Variants in NKAIN2 observed in about 807,000 individuals in gnomAD.
NKAIN2 encodes sodium/potassium transporting ATPase interacting 2.
A neutral mutation model predicts 32.6 loss-of-function variants in NKAIN2; 14 were observed. That is an observed-to-expected ratio of 0.43 (90% confidence interval 0.28 to 0.67). The LOEUF is 0.67. Among genes scored for constraint, NKAIN2 ranks in the 30% least tolerant of loss-of-function variants. The pLI is 0.17. For missense variants in NKAIN2, 198 were observed against 258.3 expected (o/e 0.77, Z 1.60); for synonymous variants, 80 against 87.2 (o/e 0.92, Z 0.46).
chr6:124,028,257 G>T (rs895583028), intron 1 of NKAIN2, among the ~76,000 whole-genome samples: 2 of 151,758 alleles, frequency 1.3e-5, no homozygotes, highest in African/African-American at 2.4e-5. Context: ...TCATGCAGTG[G>T]GTTGCATCAT....
At chr6:124,814,176 A>G (rs187271483) in intron 5 of NKAIN2, among the ~76,000 whole-genome samples, 342 of 151,926 alleles carry the variant, frequency 2.3e-3, no homozygotes, top group Non-Finnish European at 3.5e-3. Flanking sequence ...CTCTGTGCTG[A>G]CCCCCATAAT....
At position 124,124,052 on chromosome 6, in the gene NKAIN2, G is replaced by T. The variant is rs1409472795; in HGVS notation, c.55-158953G>T. Reference sequence around the variant, plus strand: ...ACTGCCTTTCACACTAGACGATGCAGCTATGATGCTGTCATACTTGCTTGG... The same window carrying T: ...ACTGCCTTTCACACTAGACGATGCATCTATGATGCTGTCATACTTGCTTGG... On this transcript the variant is annotated intron_variant, in intron 1 of 6. Transcript: ENST00000368417. Among the ~76,000 whole-genome samples the T allele has an allele frequency of 5.3e-5, 8 of 152,072 alleles. No individual in the cohort carries two copies. The East Asian group carries it at 1.5e-3, about 29-fold the overall frequency.
chr6:124,412,140 C>G (rs1230546062), intron 3 of NKAIN2, among the ~76,000 whole-genome samples: 1 of 152,138 alleles, frequency 6.6e-6, no homozygotes, highest in African/African-American at 2.4e-5. Flanking sequence ...CCTCCTTTAG[C>G]TCGGAGTAGT....
At chr6:124,775,608 TA>T (rs962803196) in intron 4 of NKAIN2, among the ~76,000 whole-genome samples, 3 of 152,148 alleles carry the variant, frequency 2.0e-5, no homozygotes, top group African/African-American at 7.2e-5. Context: ...CATATACAGG[TA>T]AAACTGAATT....
chr6:124,502,426 C>T (rs908034635), intron 3 of NKAIN2, among the ~76,000 whole-genome samples: 4 of 152,176 alleles, frequency 2.6e-5, no homozygotes, highest in Non-Finnish European at 5.9e-5. Context: ...CAACCACTCA[C>T]GATCAATTTC....
intron 1 of NKAIN2, among the ~76,000 whole-genome samples, chr6:123,905,793 G>GT (rs943468844): frequency 1.3e-5 from 2 of 152,132 alleles, no homozygotes; most frequent in African/African-American, 2.4e-5. Flanking sequence ...TCTAAATAGT[G>GT]TAACTAAGAC....
intron 4 of NKAIN2, among the ~76,000 whole-genome samples, chr6:124,686,450 CAGG>C (rs1773883554): frequency 6.6e-6 from 1 of 151,914 alleles, no homozygotes; most frequent in South Asian, 2.1e-4. Context: ...ATGACCAGAG[CAGG>C]AGGAAAGGGG....
At chr6:124,363,660 G>C (rs906104023) in intron 3 of NKAIN2, among the ~76,000 whole-genome samples, 2 of 152,304 alleles carry the variant, frequency 1.3e-5, no homozygotes, top group African/African-American at 2.4e-5. Flanking sequence ...GAACAAGCCA[G>C]GGGCAAACCA....
chr6:124,597,639 A>G (rs892512735), intron 3 of NKAIN2, among the ~76,000 whole-genome samples: 11 of 152,116 alleles, frequency 7.2e-5, no homozygotes, highest in African/African-American at 2.2e-4. Flanking sequence ...ATTTGAAAAG[A>G]AAGTTATAGG....
intron 3 of NKAIN2, among the ~76,000 whole-genome samples, chr6:124,360,179 A>G (rs1170326637): frequency 6.6e-6 from 1 of 152,108 alleles, no homozygotes; most frequent in Non-Finnish European, 1.5e-5. Context: ...GTTTGCCAGT[A>G]TTTTATTGAG....
chr6:124,422,799 T>C (rs955996082), intron 3 of NKAIN2, among the ~76,000 whole-genome samples: 4 of 152,234 alleles, frequency 2.6e-5, no homozygotes, highest in African/African-American at 9.6e-5. Context: ...TGTTTGTCTT[T>C]TAAGGTTCAG....
intron 1 of NKAIN2, among the ~76,000 whole-genome samples, chr6:124,277,306 G>A (rs554091671): frequency 6.6e-6 from 1 of 152,194 alleles, no homozygotes; most frequent in African/African-American, 2.4e-5. Context: ...GGTTAGGCTG[G>A]AAGTTTATCT....
chr6:124,233,981 G>A (rs973882172), intron 1 of NKAIN2, among the ~76,000 whole-genome samples: 12 of 152,148 alleles, frequency 7.9e-5, no homozygotes, highest in Admixed American at 3.3e-4. Context: ...CCACCTGCTC[G>A]TCTATGCTGT....
intron 1 of NKAIN2, among the ~76,000 whole-genome samples, chr6:123,815,121 T>A (rs1449283788): frequency 6.6e-6 from 1 of 152,234 alleles, no homozygotes; most frequent in Non-Finnish European, 1.5e-5. Context: ...TCAAGCCGTG[T>A]TTCTATCGTA....
chr6:123,868,269 T>C (rs1354655677), intron 1 of NKAIN2, among the ~76,000 whole-genome samples: 2 of 152,140 alleles, frequency 1.3e-5, no homozygotes, highest in African/African-American at 4.8e-5. Flanking sequence ...CCATCACCAT[T>C]GCTCAGGTGA....
At chr6:123,930,838 G>C (rs1776221704) in intron 1 of NKAIN2, among the ~76,000 whole-genome samples, 2 of 152,090 alleles carry the variant, frequency 1.3e-5, no homozygotes, top group African/African-American at 4.8e-5. Context: ...AGGACTAAAT[G>C]AAAAACAACT....
intron 3 of NKAIN2, among the ~76,000 whole-genome samples, chr6:124,469,878 C>A (rs1400771985): frequency 2.6e-5 from 4 of 152,302 alleles, no homozygotes; most frequent in African/African-American, 9.6e-5. Flanking sequence ...GTCACCTCTT[C>A]TTATCTTCCT....
At chr6:124,749,116 T>C (rs1176026945) in intron 4 of NKAIN2, among the ~76,000 whole-genome samples, 1 of 151,862 alleles carries the variant, frequency 6.6e-6, no homozygotes, top group East Asian at 1.9e-4. Context: ...TGAGTCCTCA[T>C]TTCCTTGCTA....
chr6:124,121,849 C>T (rs975112931), intron 1 of NKAIN2: 1 of 967,684 alleles, frequency 1.0e-6, no homozygotes, highest in South Asian at 1.6e-5. Context: ...TCTAATCATG[C>T]CTTATTTGTC....
Sources: allele counts gnomAD v4.1 joint callset (sites outside exome capture counted in the v4.1 genomes callset), GRCh38; gene constraint gnomAD v4.1.1; transcripts MANE v1.5; gene names NCBI Gene and HGNC (gene_info 2026-07-23, HGNC 2026-07-21).